Variants in CAMK1D observed in about 807,000 individuals in gnomAD.
CAMK1D encodes calcium/calmodulin dependent protein kinase ID.
A neutral mutation model predicts 47.7 loss-of-function variants in CAMK1D; 9 were observed. That is an observed-to-expected ratio of 0.19 (90% CI 0.11 to 0.33). The LOEUF (loss-of-function observed/expected upper bound fraction) is 0.33. Ranked by LOEUF, CAMK1D falls within the 10% of genes least tolerant of loss-of-function variation. CAMK1D has a pLI of 1.00. For synonymous variants in CAMK1D, 184 were observed against 184.9 expected, an observed-to-expected ratio of 0.99 and a Z score of 0.04; for missense variants, 291 against 488.7, an observed-to-expected ratio of 0.60 and a Z score of 3.81.
intron 1 of CAMK1D, among the ~76,000 whole-genome samples, chr10:12,390,976 C>CA (rs1357275320): frequency 6.6e-6 from 1 of 152,032 alleles, no homozygotes; most frequent in African/African-American, 2.4e-5. Flanking sequence ...CTAATGTGCT[C>CA]AGAGTCCAGC....
At chr10:12,520,967 G>GGGGAGAGGGAGAGGGAGAGGGAGA (rs1237634079) in intron 1 of CAMK1D, among the ~76,000 whole-genome samples, 1 of 24,580 alleles carries the variant, frequency 4.1e-5, no homozygotes, top group Non-Finnish European at 8.3e-5. Context: ...GGAGGGGGAG[G>GGGGAGAGGGAGAGGGAGAGGGAGA]GGGAGAGCTT....
chr10:12,583,667 T>G (rs1232276382), intron 2 of CAMK1D, among the ~76,000 whole-genome samples: 1 of 151,420 alleles, frequency 6.6e-6, no homozygotes, highest in Non-Finnish European at 1.5e-5. Flanking sequence ...AGTGGCGCGA[T>G]CTCAGCTCAC....
At chr10:12,739,365 T>C (rs1835325562) in intron 3 of CAMK1D, among the ~76,000 whole-genome samples, 1 of 151,586 alleles carries the variant, frequency 6.6e-6, no homozygotes, top group South Asian at 2.1e-4. Flanking sequence ...AACCTCCGCC[T>C]CTCGGGTTTA....
intron 3 of CAMK1D, among the ~76,000 whole-genome samples, chr10:12,680,461 G>T (rs1840953483): frequency 6.6e-6 from 1 of 152,192 alleles, no homozygotes. Context: ...CCCATTTTCT[G>T]AGTGTTAATC....
intron 5 of CAMK1D, among the ~76,000 whole-genome samples, chr10:12,789,160 A>G (rs1837867660): frequency 2.6e-5 from 4 of 152,252 alleles, no homozygotes; most frequent in Admixed American, 2.6e-4. Context: ...GACAGCTGTG[A>G]GTGTGACCCA....
At chr10:12,386,304 T>G (rs1006160697) in intron 1 of CAMK1D, among the ~76,000 whole-genome samples, 1 of 151,986 alleles carries the variant, frequency 6.6e-6, no homozygotes, top group Non-Finnish European at 1.5e-5. Flanking sequence ...TTGGGTATGG[T>G]GGTGTGTGCC....
intron 1 of CAMK1D, among the ~76,000 whole-genome samples, chr10:12,502,151 G>A (rs1259021756): frequency 6.6e-6 from 1 of 152,182 alleles, no homozygotes; most frequent in Non-Finnish European, 1.5e-5. Flanking sequence ...GCTCTGTGCC[G>A]GGAGCAGCAG....
chr10:12,431,757 A>G (rs963656494), intron 1 of CAMK1D, among the ~76,000 whole-genome samples: 3 of 152,150 alleles, frequency 2.0e-5, no homozygotes, highest in Non-Finnish European at 4.4e-5. Flanking sequence ...CCCTGAAGGG[A>G]TTACTGGGAA....
At chr10:12,583,676 A>G (rs889837241) in intron 2 of CAMK1D, among the ~76,000 whole-genome samples, 1 of 150,064 alleles carries the variant, frequency 6.7e-6, no homozygotes, top group Non-Finnish European at 1.5e-5. Context: ...ATCTCAGCTC[A>G]CTGCAACCTC....
rs578096729 is a variant in CAMK1D at position 12,698,705 on chromosome 10, GCT to G, written c.299+31898_299+31899del. Among the ~76,000 whole-genome samples, 35 of 134,950 alleles carry G rather than the reference GCT, an allele frequency of 2.6e-4. No individual in the cohort carries two copies. The South Asian group carries it at 7.9e-3, about 30-fold the overall frequency. The allele number at this position is 134,950 out of a possible 152,430, so 88.5% of individuals were successfully genotyped here. The stretch of plus-strand genomic sequence containing the variant: ...TTTTTTTTTTTTGAGACGGAGTGTC[GCT>G]CTGTCACCAGGCTGGAGTGCAGTGG... On this transcript the variant is annotated intron_variant, in intron 3 of 10. Coordinates refer to ENST00000619168, the MANE Select transcript of CAMK1D (RefSeq NM_153498.4).
At chr10:12,543,571 A>G (rs567183834) in intron 1 of CAMK1D, among the ~76,000 whole-genome samples, 1 of 152,276 alleles carries the variant, frequency 6.6e-6, no homozygotes, top group Non-Finnish European at 1.5e-5. Flanking sequence ...GAATGACTCT[A>G]TGATAATTTT....
rs1027238869 is a variant in CAMK1D at position 12,429,862 on chromosome 10, C to T, written c.92+79952C>T. Among the ~76,000 whole-genome samples, 6 of 152,224 alleles carry T rather than the reference C, an allele frequency of 3.9e-5. No homozygotes were observed. In the South Asian group the frequency reaches 1.0e-3, roughly 26 times the overall value. On this transcript the variant is annotated intron_variant, in intron 1 of 10. Coordinates refer to ENST00000619168, the MANE Select transcript of CAMK1D (RefSeq NM_153498.4). ...TTTCACCTCTGGTGAATCCCTCCAC[C>T]GAGGATGCGTGAATGTTTGCATTAA...
chr10:12,527,770 G>A (rs569397529), intron 1 of CAMK1D, among the ~76,000 whole-genome samples: 1 of 152,184 alleles, frequency 6.6e-6, no homozygotes, highest in East Asian at 1.9e-4. Context: ...CGACTTCACT[G>A]TCAATCTCTC....
intron 3 of CAMK1D, among the ~76,000 whole-genome samples, chr10:12,704,000 C>T (rs549003163): frequency 3.3e-5 from 5 of 152,270 alleles, no homozygotes; most frequent in Admixed American, 1.3e-4. Flanking sequence ...ACTTGAGTCA[C>T]TCTTCTTGGT....
chr10:12,369,748 CAGG>C (rs1837951352), intron 1 of CAMK1D, among the ~76,000 whole-genome samples: 1 of 151,998 alleles, frequency 6.6e-6, no homozygotes. Context: ...CGCTTGGGGT[CAGG>C]AGGTCAAGAC....
chr10:12,773,615 G>A (rs899326242), intron 5 of CAMK1D, among the ~76,000 whole-genome samples: 6 of 152,188 alleles, frequency 3.9e-5, no homozygotes, highest in East Asian at 3.8e-4. Flanking sequence ...AATATGGGCC[G>A]GGGGCGGTGG....
intron 1 of CAMK1D, among the ~76,000 whole-genome samples, chr10:12,549,435 T>G (rs1478655865): frequency 6.6e-6 from 1 of 152,250 alleles, no homozygotes; most frequent in African/African-American, 2.4e-5. Context: ...TGGACCATAT[T>G]TTATCCATTT....
intron 3 of CAMK1D, among the ~76,000 whole-genome samples, chr10:12,678,817 C>T (rs1840896032): frequency 6.6e-6 from 1 of 152,014 alleles, no homozygotes; most frequent in South Asian, 2.1e-4. Flanking sequence ...CACACTGTCA[C>T]CCAGGCTGCA....
chr10:12,575,518 C>T (rs1484492496), intron 2 of CAMK1D, among the ~76,000 whole-genome samples: 3 of 152,186 alleles, frequency 2.0e-5, no homozygotes, highest in Admixed American at 2.0e-4. Flanking sequence ...ACGTCCAGGG[C>T]AAAATCTCCA....
Sources: gnomAD v4.1 joint callset for allele counts (sites outside exome capture counted in the v4.1 genomes callset) on GRCh38, gnomAD v4.1.1 for gene constraint, MANE v1.5 for transcripts, NCBI Gene and HGNC (gene_info 2026-07-23, HGNC 2026-07-21) for gene names.